HEATR5B: variants seen among roughly 807,000 people sequenced by gnomAD.
HEATR5B encodes the protein HEAT repeat containing 5B, also known as HEAT repeat-containing protein 5B.
HEATR5B carries 156 observed loss-of-function variants against 224.1 expected under a neutral mutation model. The observed-to-expected ratio is 0.70, with a 90% CI of 0.61 to 0.80. The LOEUF is 0.80. Ranked by LOEUF, HEATR5B falls within the 30% of genes least tolerant of loss-of-function variation. HEATR5B has a pLI of 0.00. For missense variants in HEATR5B, 2,323 were observed against 2,535.5 expected, an observed-to-expected ratio of 0.92 and a Z score of 1.80; for synonymous variants, 1,027 against 893.0, an observed-to-expected ratio of 1.15 and a Z score of -2.68.
chr2:37,044,759 G>A (rs950819338), intron 18 of HEATR5B, among the ~76,000 whole-genome samples: 10 of 152,166 alleles, frequency 6.6e-5, no homozygotes, highest in Admixed American at 3.3e-4. Context: ...ACCCTTTGCT[G>A]AGATTTCAAT....
intron 14 of HEATR5B, 95 bp from the exon 15 acceptor site, chr2:37,057,575 T>C (rs1418506456): frequency 4.0e-6 from 3 of 746,058 alleles, no homozygotes; most frequent in South Asian, 4.4e-5. Context: ...TCAACAGGAA[T>C]AAAATAATTA....
intron 24 of HEATR5B, among the ~76,000 whole-genome samples, chr2:37,026,187 G>A (rs1668760435): frequency 6.6e-6 from 1 of 152,188 alleles, no homozygotes; most frequent in Non-Finnish European, 1.5e-5. Context: ...GCTTTGAAGA[G>A]AGAGAGGGAG....
intron 16 of HEATR5B, among the ~76,000 whole-genome samples, chr2:37,054,127 T>C (rs1448456616): frequency 6.7e-6 from 1 of 149,138 alleles, no homozygotes; most frequent in Non-Finnish European, 1.5e-5. Context: ...TTGTTTTTTA[T>C]ATTAATAAAA....
chr2:37,070,154 CCT>C, intron 7 of HEATR5B, 74 bp downstream of exon 7: 1 of 1,393,522 alleles, frequency 7.2e-7, no homozygotes, highest in Non-Finnish European at 1.0e-6. Context: ...CCCGCCTTGG[CCT>C]CCAAAAATGC....
intron 26 of HEATR5B, among the ~76,000 whole-genome samples, chr2:37,014,679 T>TAA (rs1191901744): frequency 5.8e-5 from 8 of 138,366 alleles, no homozygotes; most frequent in Admixed American, 7.1e-5. Flanking sequence ...AAGGGGACTT[T>TAA]AAAAAAAAAA....
chr2:37,068,536 A>T, intron 8 of HEATR5B, 145 bp downstream of exon 8: 1 of 811,970 alleles, frequency 1.2e-6, no homozygotes, highest in Non-Finnish European at 1.9e-6. Flanking sequence ...ATGTGATTTT[A>T]ATATCAAATA....
chr2:37,039,458 T>TA (rs992404803), intron 20 of HEATR5B, among the ~76,000 whole-genome samples: 8 of 150,760 alleles, frequency 5.3e-5, no homozygotes, highest in African/African-American at 1.9e-4. Flanking sequence ...AGATTCAAAA[T>TA]AAAAAAAAAG....
At chr2:37,051,660 C>T (rs1248921642) in intron 17 of HEATR5B, among the ~76,000 whole-genome samples, 1 of 152,172 alleles carries the variant, frequency 6.6e-6, no homozygotes, top group Non-Finnish European at 1.5e-5. Context: ...AAAAAACTCA[C>T]AGGTCCAAAT....
intron 30 of HEATR5B, among the ~76,000 whole-genome samples, chr2:37,005,326 A>G (rs1667342616): frequency 6.6e-6 from 1 of 152,120 alleles, no homozygotes; most frequent in Non-Finnish European, 1.5e-5. Flanking sequence ...TTCCTATCAC[A>G]ACATCGGGCT....
intron 2 of HEATR5B, among the ~76,000 whole-genome samples, chr2:37,082,901 C>A (rs1464526281): frequency 3.3e-5 from 5 of 150,650 alleles, no homozygotes; most frequent in Non-Finnish European, 7.4e-5. Flanking sequence ...CAAATCAAGG[C>A]TATGCAGGAA....
intron 24 of HEATR5B, among the ~76,000 whole-genome samples, chr2:37,021,049 T>C (rs771423285): frequency 2.0e-5 from 3 of 152,084 alleles, no homozygotes; most frequent in Admixed American, 6.6e-5. Context: ...GATGATGTTA[T>C]AGGACTTACA....
chr2:37,003,337 C>A (rs1321989328), intron 31 of HEATR5B, among the ~76,000 whole-genome samples: 1 of 149,482 alleles, frequency 6.7e-6, no homozygotes, highest in African/African-American at 2.5e-5. Flanking sequence ...ACTCAGAAGG[C>A]TAAGGCAGGA....
At chr2:37,044,597 C>A (rs1056007251) in intron 18 of HEATR5B, among the ~76,000 whole-genome samples, 6 of 152,164 alleles carry the variant, frequency 3.9e-5, no homozygotes, top group Non-Finnish European at 7.4e-5. Context: ...TATGCACATA[C>A]ATTTTCATTT....
At chr2:37,052,030 A>G (rs1248283393) in intron 17 of HEATR5B, among the ~76,000 whole-genome samples, 1 of 152,030 alleles carries the variant, frequency 6.6e-6, no homozygotes, top group Non-Finnish European at 1.5e-5. Context: ...ATAAGCCACC[A>G]CGCCCAGCCC....
Position 36,981,781 on chromosome 2 carries a change from A to G in HEATR5B, c.5925T>C (p.Leu1975=), listed in dbSNP as rs1446378301. The change falls in exon 36 of 36, where the codon CTT becomes CTC. Residue 1975 remains leucine, a synonymous_variant. Coordinates refer to ENST00000233099, the MANE Select transcript of HEATR5B (RefSeq NM_019024.3). ...LGEEQNRVQL[L]ALLVPTLISY... is the part of the protein sequence containing the mutation. ...ATATCAAAGTGGGAACTAAAAGAGCAAGTAGCTGGACTCCTGTAAATAATA... is the reference window on the plus strand; with the variant it reads ...ATATCAAAGTGGGAACTAAAAGAGCGAGTAGCTGGACTCCTGTAAATAATA... 1 of 1,609,604 alleles carries G rather than the reference A, an allele frequency of 6.2e-7. No homozygotes were observed. Among genetic ancestry groups the G allele is most frequent in the African/African-American group, 1.3e-5 (1 of 74,742 alleles).
rs1162634989 is a variant in HEATR5B at position 37,060,639 on chromosome 2, G to A, written c.1791C>T (p.Ala597=). The part of the protein sequence containing the change: ...RSLKELEAEK[A]RGDSFTWQVT... ...CCTGCCAGGTAAAAGAATCGCCTCG[G>A]GCCTTCTCAGCTTCCAATTCCTTTA... Residue 597 remains alanine (A), a synonymous_variant, in exon 12 of 36, where the codon GCC becomes GCT. Transcript: ENST00000233099. The A allele has an allele frequency of 2.7e-5, 43 of 1,613,800 alleles. No homozygotes were observed. The highest frequency in any genetic ancestry group is 3.6e-5 in the Non-Finnish European group (42 of 1,179,936).
chr2:37,060,337 C>G (rs922879176), intron 12 of HEATR5B, among the ~76,000 whole-genome samples: 1 of 151,968 alleles, frequency 6.6e-6, no homozygotes, highest in Non-Finnish European at 1.5e-5. Context: ...GAATAAGAGG[C>G]CTGGGTTCTA....
rs530796713 is a variant in HEATR5B, at chr2:37,012,745, G to A, written c.4284+1096C>T. On this transcript the variant is annotated intron_variant, in intron 27 of 35. Coordinates refer to ENST00000233099, the MANE Select transcript of HEATR5B (RefSeq NM_019024.3). ...AAGGTGCTGAAGACACAAAGAAGAA[G>A]AGTAGACAGCACTGAGCTTCACACA... Among the ~76,000 whole-genome samples the A allele has an allele frequency of 4.9e-4, 75 of 152,246 alleles. 1 individual carries two copies. Among genetic ancestry groups the A allele is most frequent in the South Asian group, 2.3e-3 (11 of 4,822 alleles).
intron 33 of HEATR5B, among the ~76,000 whole-genome samples, chr2:36,992,162 C>A (rs1452847858): frequency 6.6e-6 from 1 of 152,128 alleles, no homozygotes; most frequent in African/African-American, 2.4e-5. Flanking sequence ...TGCGCCACTG[C>A]ACTCCAGCCT....
Sources: allele counts gnomAD v4.1 joint callset (sites outside exome capture counted in the v4.1 genomes callset), GRCh38; gene constraint gnomAD v4.1.1; transcripts MANE v1.5; gene names NCBI Gene and HGNC (gene_info 2026-07-23, HGNC 2026-07-21).